Variants in STOX2 observed in about 807,000 individuals in gnomAD.
The protein encoded by STOX2 is storkhead box 2, also known as storkhead-box protein 2.
A neutral mutation model predicts 60.9 loss-of-function variants in STOX2; 28 were observed. That is an observed-to-expected ratio of 0.46 (90% confidence interval 0.34 to 0.63). STOX2 has a LOEUF of 0.63. Ranked by LOEUF, STOX2 falls within the 30% of genes least tolerant of loss-of-function variation. The probability of loss-of-function intolerance (pLI) is 0.01; values close to 1 mark genes in which losing one functional copy is unlikely to be tolerated. For missense variants in STOX2, 1,024 were observed against 1,187.7 expected, an observed-to-expected ratio of 0.86 and a Z score of 2.03; for synonymous variants, 472 against 463.9, an observed-to-expected ratio of 1.02 and a Z score of -0.22.
chr4:183,851,456 A>G (rs1187292096), intron 1 of STOX2, among the ~76,000 whole-genome samples: 11 of 46,870 alleles, frequency 2.3e-4, no homozygotes, highest in East Asian at 6.7e-4. Context: ...AAAGGATGAG[A>G]GAAACGATGA....
intron 1 of STOX2, among the ~76,000 whole-genome samples, chr4:183,937,147 G>T (rs1742612700): frequency 6.6e-6 from 1 of 152,180 alleles, no homozygotes. Context: ...TACATTCATT[G>T]TGCCTTTCCT....
chr4:183,892,296 TGAGACGGAGTCTC>T (rs1343932047), intron 1 of STOX2, among the ~76,000 whole-genome samples: 1 of 152,206 alleles, frequency 6.6e-6, no homozygotes, highest in East Asian at 1.9e-4. Context: ...GTAATTTTTT[TGAGACGGAGTCTC>T]GCTCTGTCGC....
At chr4:183,956,205 C>G (rs1044546270) in intron 1 of STOX2, among the ~76,000 whole-genome samples, 1 of 152,160 alleles carries the variant, frequency 6.6e-6, no homozygotes, top group Non-Finnish European at 1.5e-5. Context: ...TACACCTCGC[C>G]GTTAACAATA....
chr4:183,976,432 A>T (rs1476750150), intron 1 of STOX2, among the ~76,000 whole-genome samples: 1 of 152,262 alleles, frequency 6.6e-6, no homozygotes, highest in Non-Finnish European at 1.5e-5. Context: ...AAAATTCAAC[A>T]TACATTCATG....
chr4:183,862,889 G>GT (rs1402415053), intron 1 of STOX2, among the ~76,000 whole-genome samples: 9 of 152,272 alleles, frequency 5.9e-5, no homozygotes, highest in Non-Finnish European at 1.0e-4. Flanking sequence ...ACCTCGTGAG[G>GT]CCTACAAGGA....
intron 1 of STOX2, among the ~76,000 whole-genome samples, chr4:183,827,509 T>TA (rs375186608): frequency 6.6e-6 from 1 of 150,938 alleles, no homozygotes; most frequent in Admixed American, 6.6e-5. Context: ...AAAATAAAAA[T>TA]AAAAAAACAA....
rs748155173 is a variant in STOX2, at chr4:184,009,378, C to T, written c.540C>T (p.Pro180=). Residue 180 remains proline (P), a synonymous_variant, in exon 3 of 4, where the codon CCC becomes CCT. Coordinates refer to ENST00000308497, the MANE Select transcript of STOX2 (RefSeq NM_020225.3). This position sits in a 1 kb window ranked among gnomAD's most constrained non-coding sequence, Gnocchi z 4.0. ...CTCCGCAACCCGGGACCATCACGCCCTCTGCCTCAGGCTGTGTCAGGGAAA... is the reference window on the plus strand; with the variant it reads ...CTCCGCAACCCGGGACCATCACGCCTTCTGCCTCAGGCTGTGTCAGGGAAA... ...CTSPQPGTIT[P]SASGCVRERT... The T allele has an allele frequency of 8.7e-6, 14 of 1,613,912 alleles. No homozygotes were observed. In the African/African-American group the frequency reaches 1.5e-4, roughly 17 times the overall value.
intron 1 of STOX2, among the ~76,000 whole-genome samples, chr4:183,985,702 A>G (rs939108379): frequency 1.4e-4 from 22 of 152,314 alleles, no homozygotes; most frequent in African/African-American, 5.3e-4. Context: ...CATAGATCAT[A>G]GAAGAAACTT....
Position 184,009,916 on chromosome 4 carries a change from A to G in STOX2, c.1078A>G (p.Ser360Gly). Residue 360 changes from serine (S) to glycine (G), a missense_variant, in exon 3 of 4, where the codon AGT (serine) becomes GGT (glycine). Coordinates refer to ENST00000308497, the MANE Select transcript of STOX2 (RefSeq NM_020225.3). The surrounding 1 kb of genome is among the most constrained non-coding windows in gnomAD (Gnocchi z 4.0). Reference sequence around the variant, plus strand: ...CCATCACAGCGGAAGGAGTAAAAAGAGTAGGACTCATCGGAAGTCCCATGG... The same window carrying G: ...CCATCACAGCGGAAGGAGTAAAAAGGGTAGGACTCATCGGAAGTCCCATGG... The part of the protein sequence containing the change: ...SAHHSGRSKK[S>G]RTHRKSHGKS... 2 of 1,612,958 alleles carry G rather than the reference A, an allele frequency of 1.2e-6. No individual in the cohort carries two copies.
intron 2 of STOX2, among the ~76,000 whole-genome samples, chr4:184,005,474 A>AAAAACC: frequency 8.3e-6 from 1 of 120,122 alleles, no homozygotes; most frequent in East Asian, 2.5e-4. Context: ...AAAAAAAAAA[A>AAAAACC]AATTCATAGG....
intron 1 of STOX2, among the ~76,000 whole-genome samples, chr4:183,926,347 T>G (rs1366004575): frequency 6.6e-6 from 1 of 152,150 alleles, no homozygotes; most frequent in East Asian, 1.9e-4. Context: ...AAACACGTCA[T>G]TTTCCCCAAA....
intron 1 of STOX2, among the ~76,000 whole-genome samples, chr4:183,908,592 G>GT (rs10671305): frequency 0.013 from 1,671 of 126,648 alleles, 50 homozygotes; most frequent in African/African-American, 0.048. Flanking sequence ...CAGGCAGCCA[G>GT]TTTTTTTTTT....
At chr4:183,880,465 T>C (rs1276394772) in intron 1 of STOX2, among the ~76,000 whole-genome samples, 1 of 152,056 alleles carries the variant, frequency 6.6e-6, no homozygotes, top group African/African-American at 2.4e-5. Context: ...AGAAAAACTG[T>C]GAATTTTGCA....
intron 1 of STOX2, among the ~76,000 whole-genome samples, chr4:183,862,936 A>T (rs1740483182): frequency 6.6e-6 from 1 of 152,148 alleles, no homozygotes; most frequent in African/African-American, 2.4e-5. Flanking sequence ...GAGGTGACAG[A>T]CACTGGGAGG....
intron 2 of STOX2, among the ~76,000 whole-genome samples, chr4:184,004,177 T>G (rs1164343786): frequency 6.6e-6 from 1 of 152,220 alleles, no homozygotes; most frequent in Non-Finnish European, 1.5e-5. Flanking sequence ...AGCCTAAGTA[T>G]TATTAAAATA....
At chr4:183,958,305 G>A (rs1743314263) in intron 1 of STOX2, among the ~76,000 whole-genome samples, 1 of 152,090 alleles carries the variant, frequency 6.6e-6, no homozygotes, top group South Asian at 2.1e-4. Context: ...AAAATCAGGA[G>A]TTCATAGAGA....
At position 184,019,182 on chromosome 4, in the gene STOX2, T is replaced by C. The variant is rs2111266362; in HGVS notation, c.*1898T>C. ...AATTCCTTTTTTCTGCTTATTATAGTGAAACTTCAGCATGTTTCTTAGTAA... is the reference window on the plus strand; with the variant it reads ...AATTCCTTTTTTCTGCTTATTATAGCGAAACTTCAGCATGTTTCTTAGTAA... On this transcript the variant is annotated 3_prime_UTR_variant, in exon 4 of 4. Coordinates refer to ENST00000308497, the MANE Select transcript of STOX2 (RefSeq NM_020225.3). 6.6e-6 allele frequency: 1 copy of C among 152,348 alleles called. No individual in the cohort carries two copies. Among genetic ancestry groups the C allele is most frequent in the South Asian group, 2.1e-4 (1 of 4,826 alleles). The allele number at this position is 152,348 out of a possible 1,614,324, so 9.4% of individuals were successfully genotyped here.
chr4:184,012,411 T>C (rs371972370), intron 3 of STOX2, among the ~76,000 whole-genome samples: 5 of 152,218 alleles, frequency 3.3e-5, no homozygotes, highest in African/African-American at 9.6e-5. Context: ...TAACATGGAT[T>C]CAGATAGGAT....
chr4:183,891,837 A>G (rs1453986643), intron 1 of STOX2, among the ~76,000 whole-genome samples: 15 of 152,234 alleles, frequency 9.9e-5, no homozygotes, highest in Admixed American at 9.2e-4. Flanking sequence ...CTGTGTGCTC[A>G]GCCCTGAACC....
Sources: allele counts gnomAD v4.1 joint callset (sites outside exome capture counted in the v4.1 genomes callset), GRCh38; gene constraint gnomAD v4.1.1; non-coding constraint Gnocchi (gnomAD v3.1); transcripts MANE v1.5; gene names NCBI Gene and HGNC (gene_info 2026-07-23, HGNC 2026-07-21).